The following VAV3 variants were observed in gnomAD, a reference collection of about 807,000 sequenced individuals.
VAV3 encodes the protein vav guanine nucleotide exchange factor 3, also known as guanine nucleotide exchange factor VAV3.
A neutral mutation model predicts 131.2 loss-of-function variants in VAV3; 94 were observed. That is an observed-to-expected ratio of 0.72 (90% CI 0.61 to 0.85). The LOEUF (loss-of-function observed/expected upper bound fraction) is 0.85, where lower values mean the gene tolerates loss of function less well. Among genes scored for constraint, VAV3 ranks in the 40% least tolerant of loss-of-function variants. The pLI, the probability that VAV3 is intolerant of heterozygous loss-of-function variation, is 0.00. For missense variants in VAV3, 939 were observed against 1,002.7 expected (o/e 0.94, Z 0.86); for synonymous variants, 349 against 342.0 (o/e 1.02, Z -0.22).
intron 2 of VAV3, among the ~76,000 whole-genome samples, chr1:107,839,818 T>C (rs1668616037): frequency 6.6e-6 from 1 of 152,072 alleles, no homozygotes; most frequent in Admixed American, 6.6e-5. Flanking sequence ...CACAAATTGC[T>C]AATATCAGAA....
intron 15 of VAV3, among the ~76,000 whole-genome samples, chr1:107,747,094 G>A (rs947431050): frequency 2.2e-4 from 34 of 152,212 alleles, no homozygotes; most frequent in African/African-American, 7.5e-4. Context: ...TGGCCAGGCT[G>A]ATCTCGAACT....
intron 2 of VAV3, among the ~76,000 whole-genome samples, chr1:107,848,213 T>G (rs1331666983): frequency 1.3e-5 from 2 of 151,614 alleles, no homozygotes; most frequent in Non-Finnish European, 1.5e-5. Context: ...ATTGGGAGGC[T>G]TAGGCAGGAG....
chr1:107,910,944 C>G (rs927539964), intron 1 of VAV3, among the ~76,000 whole-genome samples: 2 of 151,518 alleles, frequency 1.3e-5, no homozygotes, highest in Non-Finnish European at 1.5e-5. Flanking sequence ...CACACCATTG[C>G]ACTCTGGGCT....
chr1:107,955,522 C>A (rs539189485), intron 1 of VAV3, among the ~76,000 whole-genome samples: 5 of 152,034 alleles, frequency 3.3e-5, no homozygotes, highest in South Asian at 4.2e-4. Context: ...GGAAAAAAAA[C>A]TGCAAAACAG....
intron 2 of VAV3, among the ~76,000 whole-genome samples, chr1:107,851,171 C>CAAA (rs35609784): frequency 4.4e-5 from 3 of 68,454 alleles, no homozygotes; most frequent in East Asian, 5.0e-4. Context: ...GACTCCGTCT[C>CAAA]AAAAAAAAAA....
chr1:107,666,403 G>T (rs1240677739), intron 19 of VAV3, among the ~76,000 whole-genome samples: 2 of 152,130 alleles, frequency 1.3e-5, no homozygotes, highest in African/African-American at 2.4e-5. Flanking sequence ...CTGCAATTTG[G>T]AAATTGGTGT....
intron 10 of VAV3, among the ~76,000 whole-genome samples, chr1:107,759,657 T>C (rs923664359): frequency 3.3e-5 from 5 of 152,126 alleles, no homozygotes; most frequent in African/African-American, 7.2e-5. Context: ...ATTTTAAATA[T>C]AAAACAACCC....
chr1:107,749,696 A>C, intron 13 of VAV3, 102 bp from the exon 14 acceptor site: 1 of 1,326,780 alleles, frequency 7.5e-7, no homozygotes, highest in Non-Finnish European at 1.0e-6. Flanking sequence ...CTTTGCATTA[A>C]AGACAACAGG....
rs1313894369 is a variant in VAV3 at position 107,942,265 on chromosome 1, ACCCCTCCAGGACAGATGT to A, written c.204+22383_204+22400del. Reference sequence around the variant, plus strand: ...TATTTTATACAAACTAGAAGAAAGTACCCCTCCAGGACAGATGTAAACCCTGGTGAGATCCCACAGCGA... The same window carrying A: ...TATTTTATACAAACTAGAAGAAAGTAAAACCCTGGTGAGATCCCACAGCGA... On this transcript the variant is annotated intron_variant, in intron 1 of 26. Coordinates refer to ENST00000370056, the MANE Select transcript of VAV3 (RefSeq NM_006113.5). Among the ~76,000 whole-genome samples the A allele has an allele frequency of 1.7e-4, 26 of 152,228 alleles. No homozygotes were observed. In the East Asian group the frequency reaches 5.0e-3, roughly 29 times the overall value.
rs1246108746 is a variant in VAV3 at position 107,772,659 on chromosome 1, T to C, written c.555+76A>G. On this transcript the variant is annotated intron_variant, in intron 5 of 26. Transcript: ENST00000370056. ...GGTTAAAAAAAATCCCAGCAGATGT[T>C]ACATAAATTATTATGTTAATTAGCC... is the stretch of plus-strand genomic sequence containing the variant. 2.4e-6 allele frequency: 3 copies of C among 1,257,472 alleles called. No homozygotes were observed. In the African/African-American group the frequency reaches 4.5e-5, roughly 19 times the overall value. The allele number at this position is 1,257,472 out of a possible 1,614,324, so 77.9% of individuals were successfully genotyped here. A position where few individuals can be genotyped will look rare whatever the true frequency, so the allele number is the denominator to read the frequency against.
In VAV3 at chr1:107,964,787, G is replaced by A. The variant is rs1675345742; in HGVS notation, c.83C>T (p.Ala28Val). 6.2e-7 allele frequency: 1 copy of A among 1,614,070 alleles called. No homozygotes were observed. Among genetic ancestry groups the A allele is most frequent in the Non-Finnish European group, 8.5e-7 (1 of 1,180,004 alleles). ...GGTCTGCGCAAGGTCGAACACCTGA[G>A]CCGAGTCCCAGGTCACCCGGTGGTT... The part of the protein sequence containing the change: ...PTNHRVTWDS[A>V]QVFDLAQTLR... The change falls in exon 1 of 27, where the codon GCT becomes GTT. Residue 28 changes from alanine to valine, a missense_variant. By Grantham distance (64) the Ala-to-Val change is moderately conservative. Transcript: ENST00000370056.
intron 1 of VAV3, among the ~76,000 whole-genome samples, chr1:107,905,202 T>C (rs1254701570): frequency 6.6e-6 from 1 of 152,190 alleles, no homozygotes. Context: ...ACCTGATAAG[T>C]CAGCCTTACC....
At chr1:107,587,642 G>A (rs1282855100) in intron 25 of VAV3, among the ~76,000 whole-genome samples, 2 of 152,198 alleles carry the variant, frequency 1.3e-5, no homozygotes, top group Non-Finnish European at 2.9e-5. Flanking sequence ...CCATGCTGGA[G>A]TGCAGTGGCA....
intron 19 of VAV3, among the ~76,000 whole-genome samples, chr1:107,677,578 C>T (rs11589278): frequency 3.7e-4 from 56 of 152,218 alleles, no homozygotes; most frequent in Non-Finnish European, 6.3e-4. Flanking sequence ...GATAAATGTT[C>T]GAAGTAGCTC....
At chr1:107,643,704 T>C (rs775345971) in intron 19 of VAV3, among the ~76,000 whole-genome samples, 1 of 152,158 alleles carries the variant, frequency 6.6e-6, no homozygotes, top group Non-Finnish European at 1.5e-5. Context: ...TGAATGACTG[T>C]CATTCAGTTC....
chr1:107,681,697 A>G (rs1210003484), intron 19 of VAV3, among the ~76,000 whole-genome samples: 2 of 147,950 alleles, frequency 1.4e-5, no homozygotes, highest in Non-Finnish European at 3.0e-5. Context: ...CTTTGTCACC[A>G]GGCTGGAGTG....
chr1:107,905,223 G>C lies in VAV3; in HGVS notation c.205-30206C>G, dbSNP rs113654708. ...TAAGTCAGCCTTACCTAGAATTCCT[G>C]CTCCTCCATACTTGCCTTAGGTTGC... is the stretch of plus-strand genomic sequence containing the variant. On this transcript the variant is annotated intron_variant, in intron 1 of 26. Transcript: ENST00000370056. Among the ~76,000 whole-genome samples, 314 of 152,236 alleles carry C rather than the reference G, an allele frequency of 2.1e-3. 1 individual carries two copies. Among genetic ancestry groups the C allele is most frequent in the African/African-American group, 7.2e-3 (299 of 41,520 alleles).
intron 1 of VAV3, among the ~76,000 whole-genome samples, chr1:107,962,513 CAA>C (rs2101415555): frequency 6.6e-6 from 1 of 152,318 alleles, no homozygotes; most frequent in Non-Finnish European, 1.5e-5. Context: ...TTAAATACGT[CAA>C]GTTGTTTCAT....
chr1:107,911,787 T>A (rs907518412), intron 1 of VAV3, among the ~76,000 whole-genome samples: 3 of 152,080 alleles, frequency 2.0e-5, no homozygotes, highest in Admixed American at 6.5e-5. Context: ...AAAATGAGAG[T>A]TCGTATCAGC....
Sources: allele counts gnomAD v4.1 joint callset (sites outside exome capture counted in the v4.1 genomes callset), GRCh38; gene constraint gnomAD v4.1.1; transcripts MANE v1.5; gene names NCBI Gene and HGNC (gene_info 2026-07-23, HGNC 2026-07-21).